Variants in GLIS3 observed in about 807,000 individuals in gnomAD.
GLIS3 encodes the protein GLIS family zinc finger 3.
In GLIS3, 53 loss-of-function variants were observed where a neutral mutation model predicts 78.6. That is an observed-to-expected ratio of 0.67 (90% confidence interval 0.54 to 0.85). GLIS3 has a LOEUF of 0.85. Ranked by LOEUF, GLIS3 falls within the 40% of genes least tolerant of loss-of-function variation. The pLI, the probability that GLIS3 is intolerant of heterozygous loss-of-function variation, is 0.00. For synonymous variants in GLIS3, 684 were observed against 509.9 expected, an observed-to-expected ratio of 1.34 and a Z score of -4.60; for missense variants, 1,703 against 1,231.1, an observed-to-expected ratio of 1.38 and a Z score of -5.74.
At chr9:4,103,938 C>T (rs561152068) in intron 4 of GLIS3, among the ~76,000 whole-genome samples, 5 of 152,084 alleles carry the variant, frequency 3.3e-5, no homozygotes, top group South Asian at 2.1e-4. Context: ...AACACAGCAA[C>T]GCAAGACTAA....
At chr9:4,269,880 A>C (rs1826349773) in intron 2 of GLIS3, among the ~76,000 whole-genome samples, 1 of 152,176 alleles carries the variant, frequency 6.6e-6, no homozygotes, top group African/African-American at 2.4e-5. Flanking sequence ...GTGGGTAGAA[A>C]GTGAAACCTG....
At chr9:4,060,455 T>G (rs1192412472) in intron 4 of GLIS3, among the ~76,000 whole-genome samples, 1 of 152,182 alleles carries the variant, frequency 6.6e-6, no homozygotes, top group Non-Finnish European at 1.5e-5. Context: ...GTGTTGAAAC[T>G]TAATCCCCAG....
chr9:4,484,246 T>TA, the GLIS3 span, among the ~76,000 whole-genome samples: 1 of 148,234 alleles, frequency 6.7e-6, no homozygotes, highest in Non-Finnish European at 1.5e-5. Context: ...TTTATTTTTT[T>TA]TATTTTTTTG....
At chr9:4,258,086 G>C (rs1053999019) in intron 2 of GLIS3, among the ~76,000 whole-genome samples, 2 of 151,952 alleles carry the variant, frequency 1.3e-5, no homozygotes, top group South Asian at 2.1e-4. Context: ...CACAAAACTA[G>C]AACAGCAGTA....
chr9:3,988,927 G>A (rs183045837), intron 4 of GLIS3, among the ~76,000 whole-genome samples: 96 of 152,198 alleles, frequency 6.3e-4, no homozygotes, highest in African/African-American at 2.2e-3. Flanking sequence ...ATCAAAATTA[G>A]AAACTTTTGT....
At chr9:4,056,834 G>A (rs1053312619) in intron 4 of GLIS3, among the ~76,000 whole-genome samples, 3 of 148,868 alleles carry the variant, frequency 2.0e-5, no homozygotes, top group Non-Finnish European at 4.4e-5. Context: ...GGCAAAAGCA[G>A]CCGACTAATT....
chr9:4,482,703 C>G, the GLIS3 span, among the ~76,000 whole-genome samples: 1 of 152,152 alleles, frequency 6.6e-6, no homozygotes, highest in African/African-American at 2.4e-5. Flanking sequence ...AATATATGGT[C>G]TGTTGATGTA....
intron 2 of GLIS3, among the ~76,000 whole-genome samples, chr9:4,278,436 T>C (rs1204356126): frequency 6.6e-6 from 1 of 152,166 alleles, no homozygotes; most frequent in Non-Finnish European, 1.5e-5. Flanking sequence ...GAACATGTCA[T>C]AAAGACACAA....
chr9:4,417,090 G>T, the GLIS3 span, among the ~76,000 whole-genome samples: 2 of 152,102 alleles, frequency 1.3e-5, no homozygotes, highest in Non-Finnish European at 2.9e-5. Context: ...ACTGGAGACA[G>T]GCTACACAAT....
Position 3,826,847 on chromosome 9 carries a change from A to G in GLIS3, c.*1425T>C, listed in dbSNP as rs954075641. On this transcript the variant is annotated 3_prime_UTR_variant, in exon 11 of 11. Transcript: ENST00000381971. ...AAAAGTGAGAAAAAATACTTGAAAT[A>G]TGATAGTACCAGAATGTTAGAACTT... The G allele has an allele frequency of 4.6e-5, 7 of 152,254 alleles. No homozygotes were observed. The highest frequency in any genetic ancestry group is 8.8e-5 in the Non-Finnish European group (6 of 68,050). 9.4% of individuals were successfully genotyped at this position (152,254 alleles called of 1,614,324 possible).
chr9:4,454,533 C>T, the GLIS3 span, among the ~76,000 whole-genome samples: 1 of 152,236 alleles, frequency 6.6e-6, no homozygotes, highest in Admixed American at 6.5e-5. Context: ...TGCTGTTTCC[C>T]AACACATTAT....
the GLIS3 span, among the ~76,000 whole-genome samples, chr9:4,400,229 G>C: frequency 6.6e-6 from 1 of 152,204 alleles, no homozygotes; most frequent in Non-Finnish European, 1.5e-5. Context: ...TGTGATGATG[G>C]ATTGAAGGGA....
intron 8 of GLIS3, 78 bp from the exon 9 acceptor site, chr9:3,856,262 C>T (rs1819782825): frequency 1.6e-6 from 2 of 1,281,868 alleles, no homozygotes; most frequent in African/African-American, 1.5e-5. Flanking sequence ...AAGCCAAATT[C>T]TCACCTCCCA....
chr9:4,300,720 T>C (rs1817032572), upstream of GLIS3, among the ~76,000 whole-genome samples: 1 of 151,860 alleles, frequency 6.6e-6, no homozygotes, highest in South Asian at 2.1e-4. Flanking sequence ...ACCTAAGCTC[T>C]GACTCGCCAC....
At chr9:4,113,484 T>A (rs1009168455) in intron 4 of GLIS3, among the ~76,000 whole-genome samples, 1 of 152,198 alleles carries the variant, frequency 6.6e-6, no homozygotes, top group Non-Finnish European at 1.5e-5. Context: ...CATACCCTTA[T>A]TGATACTTGG....
At chr9:4,053,569 T>G (rs1825895278) in intron 4 of GLIS3, among the ~76,000 whole-genome samples, 1 of 151,092 alleles carries the variant, frequency 6.6e-6, no homozygotes, top group Non-Finnish European at 1.5e-5. Context: ...CTCCTAAGCC[T>G]AAAACAGTCC....
At chr9:4,296,552 AG>A (rs1398880827) in intron 1 of GLIS3, among the ~76,000 whole-genome samples, 6 of 152,256 alleles carry the variant, frequency 3.9e-5, no homozygotes, top group African/African-American at 1.4e-4. Flanking sequence ...AACAAACCCT[AG>A]GTATTCAACC....
At chr9:4,338,800 G>C (rs1817793033) in intron 2 of GLIS3, among the ~76,000 whole-genome samples, 1 of 152,140 alleles carries the variant, frequency 6.6e-6, no homozygotes. Flanking sequence ...AAGGAGCCTG[G>C]AAAAAGCACT....
intron 4 of GLIS3, among the ~76,000 whole-genome samples, chr9:3,965,193 C>CTTTTCTTTTT (rs1348979655): frequency 1.0e-5 from 1 of 100,154 alleles, no homozygotes; most frequent in East Asian, 3.1e-4. Flanking sequence ...CTTTTCTTTT[C>CTTTTCTTTTT]TTTTTTTTTT....
Sources: gnomAD v4.1 joint callset for allele counts (sites outside exome capture counted in the v4.1 genomes callset) on GRCh38, gnomAD v4.1.1 for gene constraint, MANE v1.5 for transcripts, NCBI Gene and HGNC (gene_info 2026-07-23, HGNC 2026-07-21) for gene names.